RUNX1T1: variants seen among roughly 807,000 people sequenced by gnomAD.
RUNX1T1 encodes the protein RUNX1 partner transcriptional co-repressor 1.
In RUNX1T1, 4 loss-of-function variants were observed where a neutral mutation model predicts 62.8. That is an observed-to-expected ratio of 0.06 (90% CI 0.03 to 0.15). The LOEUF (loss-of-function observed/expected upper bound fraction) is 0.15, where lower values mean the gene tolerates loss of function less well. Ranked by LOEUF, RUNX1T1 falls within the 10% of genes least tolerant of loss-of-function variation. The probability of loss-of-function intolerance (pLI) is 1.00; values close to 1 mark genes in which losing one functional copy is unlikely to be tolerated. For missense variants in RUNX1T1, 508 were observed against 754.3 expected (o/e 0.67, Z 3.82); for synonymous variants, 291 against 286.0 (o/e 1.02, Z -0.18).
exon 5 of RUNX1T1, chr8:92,005,172 G>T (rs762639451): frequency 6.2e-7 from 1 of 1,614,006 alleles, no homozygotes; most frequent in Middle Eastern, 1.7e-4. Context: ...GCTCTGAGGA[G>T]TCAACAGGTG....
chr8:92,047,801 TCAAA>T (rs1829640582), intron 1 of RUNX1T1, among the ~76,000 whole-genome samples: 1 of 151,328 alleles, frequency 6.6e-6, no homozygotes, highest in Admixed American at 6.6e-5. Context: ...GTCCTTAACC[TCAAA>T]CAATTTGCTC....
At chr8:92,050,434 G>A (rs1258147623) in intron 1 of RUNX1T1, among the ~76,000 whole-genome samples, 1 of 152,156 alleles carries the variant, frequency 6.6e-6, no homozygotes, top group Non-Finnish European at 1.5e-5. Context: ...CTATGTCAGT[G>A]ATAGATCAGG....
chr8:92,046,375 T>A (rs1204128322), intron 1 of RUNX1T1, among the ~76,000 whole-genome samples: 2 of 152,034 alleles, frequency 1.3e-5, no homozygotes, highest in Non-Finnish European at 2.9e-5. Flanking sequence ...TTAAAAAAAA[T>A]TTAAGACAAA....
chr8:91,989,473 C>T (rs1236320918), intron 6 of RUNX1T1, among the ~76,000 whole-genome samples: 1 of 152,164 alleles, frequency 6.6e-6, no homozygotes, highest in African/African-American at 2.4e-5. Flanking sequence ...AAGAAAATCA[C>T]ATAAAACCAA....
chr8:92,003,481 T>C (rs1820154399), intron 5 of RUNX1T1: 1 of 433,720 alleles, frequency 2.3e-6, no homozygotes, highest in East Asian at 7.0e-5. Context: ...TTTTCAATTT[T>C]GCCTGCAGGA....
intron 1 of RUNX1T1, chr8:92,062,538 TAA>T (rs1195277235): frequency 6.2e-7 from 1 of 1,613,748 alleles, no homozygotes; most frequent in African/African-American, 1.3e-5. Flanking sequence ...AGAACAGGGC[TAA>T]CTCACCAGGC....
chr8:91,973,513 T>G (rs1310330995), intron 9 of RUNX1T1, among the ~76,000 whole-genome samples: 1 of 152,068 alleles, frequency 6.6e-6, no homozygotes. Flanking sequence ...TTTTGGGTGT[T>G]CTGCCCCTTT....
exon 1 of RUNX1T1, chr8:92,062,773 G>C (rs1832283295): frequency 1.3e-6 from 2 of 1,511,992 alleles, no homozygotes; most frequent in Non-Finnish European, 1.8e-6. Context: ...AAATGTGGAG[G>C]ATGACAGGAG....
At chr8:91,986,682 C>T (rs1294686436) in intron 7 of RUNX1T1, among the ~76,000 whole-genome samples, 2 of 152,158 alleles carry the variant, frequency 1.3e-5, no homozygotes, top group South Asian at 2.1e-4. Flanking sequence ...TTTCCAAGAT[C>T]TAAACATTTC....
At chr8:92,013,895 T>C (rs1262330801) in intron 3 of RUNX1T1, among the ~76,000 whole-genome samples, 2 of 152,150 alleles carry the variant, frequency 1.3e-5, no homozygotes, top group Non-Finnish European at 2.9e-5. Flanking sequence ...GTTACTGTTT[T>C]ATGAATACAG....
In RUNX1T1 at chr8:92,054,510, G is replaced by A. The variant is rs977266250; in HGVS notation, c.7+8036C>T. 3.9e-5 allele frequency among the ~76,000 whole-genome samples: 6 copies of A among 152,288 alleles called. 1 individual carries two copies. In the South Asian group the frequency reaches 1.0e-3, roughly 26 times the overall value. On this transcript the variant is annotated intron_variant, in intron 1 of 10. Transcript: ENST00000396218. ...CAATCACTATTGCCATCCTGTGAAA[G>A]TTAGCAAGGCAGAATAACTGTTTCT...
At chr8:91,955,297 T>A (rs1377038022), downstream of RUNX1T1, 2 of 224,110 alleles carry the variant, frequency 8.9e-6, no homozygotes, top group Non-Finnish European at 1.8e-5. Flanking sequence ...TCCATTTCTA[T>A]CTGCTAGTTT....
chr8:92,015,332 C>A (rs1023823036), intron 2 of RUNX1T1, among the ~76,000 whole-genome samples: 2 of 152,172 alleles, frequency 1.3e-5, no homozygotes, highest in Non-Finnish European at 2.9e-5. Flanking sequence ...TAACCTTCCA[C>A]CACCCAATTA....
At chr8:92,087,884 C>T (rs556521003) in intron 1 of RUNX1T1, among the ~76,000 whole-genome samples, 2 of 152,246 alleles carry the variant, frequency 1.3e-5, no homozygotes, top group South Asian at 2.1e-4. Flanking sequence ...ATATTTTATA[C>T]CTGCTCTCTC....
upstream of RUNX1T1, among the ~76,000 whole-genome samples, chr8:92,064,331 A>C (rs547527310): frequency 2.6e-5 from 4 of 152,256 alleles, no homozygotes; most frequent in South Asian, 8.3e-4. Context: ...ATTCATAACG[A>C]TTACTCTGTT....
At chr8:92,006,472 G>A (rs538572203) in intron 4 of RUNX1T1, 1 of 152,074 alleles carries the variant, frequency 6.6e-6, no homozygotes, top group Non-Finnish European at 1.5e-5. Context: ...CTGAATACAG[G>A]AGAGGTCCCA....
chr8:92,051,586 T>TCA (rs1178991826), intron 1 of RUNX1T1, among the ~76,000 whole-genome samples: 187 of 145,462 alleles, frequency 1.3e-3, no homozygotes, highest in Middle Eastern at 3.5e-3. Context: ...ACTCTCTCTC[T>TCA]CACACACACA....
chr8:92,037,303 T>G (rs992440392), intron 1 of RUNX1T1, among the ~76,000 whole-genome samples: 2 of 152,222 alleles, frequency 1.3e-5, no homozygotes, highest in African/African-American at 4.8e-5. Flanking sequence ...AGGTGCCTTG[T>G]TCTTCCCTCT....
intron 1 of RUNX1T1, among the ~76,000 whole-genome samples, chr8:92,029,206 G>GTTAGT (rs1252584435): frequency 6.6e-6 from 1 of 152,186 alleles, no homozygotes; most frequent in South Asian, 2.1e-4. Context: ...AAAAAGTACT[G>GTTAGT]TTAGTTTAGT....
Sources: gnomAD v4.1 joint callset for allele counts (sites outside exome capture counted in the v4.1 genomes callset) on GRCh38, gnomAD v4.1.1 for gene constraint, MANE v1.5 for transcripts, NCBI Gene and HGNC (gene_info 2026-07-23, HGNC 2026-07-21) for gene names.